TBC1D1: variants seen among roughly 807,000 people sequenced by gnomAD.
The protein encoded by TBC1D1 is TBC1 (tre-2/USP6, BUB2, cdc16) domain family, member 1.
In TBC1D1, 89 loss-of-function variants were observed where a neutral mutation model predicts 125.6. That is an observed-to-expected ratio of 0.71 (90% CI 0.60 to 0.85). The LOEUF (loss-of-function observed/expected upper bound fraction) is 0.85. Among genes scored for constraint, TBC1D1 ranks in the 40% least tolerant of loss-of-function variants. TBC1D1 has a pLI of 0.00. For missense variants in TBC1D1, 1,377 were observed against 1,469.2 expected (o/e 0.94, Z 1.03); for synonymous variants, 565 against 564.1 (o/e 1.00, Z -0.02).
intron 11 of TBC1D1, chr4:38,053,202 C>T (rs1161960730): frequency 6.6e-7 from 1 of 1,520,620 alleles, no homozygotes. Context: ...AAAATAACAC[C>T]TCTGATTTTA....
chr4:38,084,489 G>A (rs1757135263), intron 12 of TBC1D1, among the ~76,000 whole-genome samples: 1 of 152,236 alleles, frequency 6.6e-6, no homozygotes, highest in Admixed American at 6.5e-5. Context: ...TTCTGTTGTA[G>A]TAGAGGTAAA....
intron 19 of TBC1D1, among the ~76,000 whole-genome samples, chr4:38,135,878 G>A (rs1766450441): frequency 1.3e-5 from 2 of 151,150 alleles, no homozygotes; most frequent in African/African-American, 2.5e-5. Flanking sequence ...ATATATGTGT[G>A]TGTGTGTGTA....
chr4:38,133,411 T>C (rs1470348200), intron 19 of TBC1D1, among the ~76,000 whole-genome samples, 154 bp downstream of exon 21: 1 of 152,196 alleles, frequency 6.6e-6, no homozygotes, highest in African/African-American at 2.4e-5. Flanking sequence ...CCCGGGAGAA[T>C]GGGTCCTTTT....
chr4:37,947,181 G>A (rs576951764), intron 2 of TBC1D1, among the ~76,000 whole-genome samples: 1 of 152,292 alleles, frequency 6.6e-6, no homozygotes, highest in East Asian at 1.9e-4. Flanking sequence ...TTTTGAGACA[G>A]AGTCTTGCTC....
chr4:37,953,068 G>T (rs186868384), intron 2 of TBC1D1, among the ~76,000 whole-genome samples: 33 of 152,302 alleles, frequency 2.2e-4, no homozygotes, highest in African/African-American at 7.9e-4. Flanking sequence ...ATATGCATTA[G>T]CTCCATTCCT....
chr4:37,921,345 AC>A (rs1372069693), intron 2 of TBC1D1, among the ~76,000 whole-genome samples: 2 of 150,888 alleles, frequency 1.3e-5, no homozygotes, highest in African/African-American at 4.9e-5. Context: ...GGAAAAAAAA[AC>A]ATAAACATAT....
intron 7 of TBC1D1, among the ~76,000 whole-genome samples, chr4:38,029,238 T>C (rs1745668393): frequency 6.6e-6 from 1 of 152,190 alleles, no homozygotes; most frequent in Non-Finnish European, 1.5e-5. Context: ...GAGGAGCCAT[T>C]AAACAAAACA....
chr4:37,992,392 A>G (rs1260986373), intron 2 of TBC1D1, among the ~76,000 whole-genome samples: 1 of 152,196 alleles, frequency 6.6e-6, no homozygotes, highest in East Asian at 1.9e-4. Context: ...AGTTACCTAG[A>G]AGGCATTTGG....
chr4:38,119,073 C>T (rs943124791), intron 17 of TBC1D1, among the ~76,000 whole-genome samples: 113 of 151,988 alleles, frequency 7.4e-4, no homozygotes, highest in African/African-American at 2.5e-3. Flanking sequence ...GAGGAGGCTA[C>T]TAAAAAAATG....
intron 12 of TBC1D1, among the ~76,000 whole-genome samples, chr4:38,082,456 T>A (rs1188142364): frequency 6.6e-6 from 1 of 152,230 alleles, no homozygotes; most frequent in Non-Finnish European, 1.5e-5. Flanking sequence ...CACTTAAGAT[T>A]CTGGCTGAGG....
In TBC1D1 at chr4:37,993,100, G is replaced by A. The variant is rs558408470; in HGVS notation, c.418-21409G>A. Among the ~76,000 whole-genome samples, 158 of 152,156 alleles carry A rather than the reference G, an allele frequency of 1.0e-3. 2 individuals are homozygous for A. The highest frequency in any genetic ancestry group is 3.4e-3 in the Middle Eastern group (1 of 294). ...ATTACAGGCGTGAGCCACCGCGCCC[G>A]GCCTGGTGATTCTTTAAATAGGTGA... is the stretch of plus-strand genomic sequence containing the variant. On this transcript the variant is annotated intron_variant, in intron 2 of 19. Coordinates refer to ENST00000261439, the MANE Select transcript of TBC1D1 (RefSeq NM_015173.4).
intron 2 of TBC1D1, among the ~76,000 whole-genome samples, chr4:37,911,545 G>A (rs1270104959): frequency 6.6e-6 from 1 of 152,126 alleles, no homozygotes; most frequent in African/African-American, 2.4e-5. Context: ...TGATTTGGTG[G>A]CTGCCCATCC....
At chr4:38,021,040 A>G (rs1173106915) in intron 5 of TBC1D1, among the ~76,000 whole-genome samples, 1 of 152,218 alleles carries the variant, frequency 6.6e-6, no homozygotes, top group East Asian at 1.9e-4. Context: ...GCTAATAAAG[A>G]CATACCTGAC....
intron 2 of TBC1D1, among the ~76,000 whole-genome samples, chr4:37,972,379 G>T (rs966615467): frequency 1.3e-5 from 2 of 151,650 alleles, no homozygotes; most frequent in Non-Finnish European, 2.9e-5. Flanking sequence ...TACTCAGGAG[G>T]CTGAGGCATG....
chr4:38,044,423 G>C lies in TBC1D1; in HGVS notation c.1475G>C (p.Arg492Thr), dbSNP rs756605303. 2 of 1,613,834 alleles carry C rather than the reference G, an allele frequency of 1.2e-6. No homozygotes were observed. Among genetic ancestry groups the C allele is most frequent in the Non-Finnish European group, 1.7e-6 (2 of 1,179,958 alleles). Residue 492 changes from arginine (R) to threonine (T), a missense_variant, in exon 9 of 20, where the codon AGG becomes ACG. Arg to Thr is a moderately conservative substitution (Grantham distance 71). Coordinates refer to ENST00000261439, the MANE Select transcript of TBC1D1 (RefSeq NM_015173.4). ...TTACCACCCAGTGCCACTCGATTTA[G>C]GCTAGATATGCTGAAAAACAAAGCA...
At position 37,995,527 on chromosome 4, in the gene TBC1D1, G is replaced by A. The variant is rs912441914; in HGVS notation, c.418-18982G>A. 1 of 350,728 alleles carries A rather than the reference G, an allele frequency of 2.9e-6. No homozygotes were observed. The highest frequency in any genetic ancestry group is 2.1e-5 in the African/African-American group (1 of 46,646). The allele number at this position is 350,728 out of a possible 1,614,324, so 21.7% of individuals were successfully genotyped here. ...CAGATGGTTTCTCTTCACCTTTTGG[G>A]TTGCGGTTTTCTCCAGGTTGGTGCT... On this transcript the variant is annotated intron_variant, in intron 2 of 19. Transcript: ENST00000261439. This position sits in a 1 kb window ranked among gnomAD's most constrained non-coding sequence, Gnocchi z 4.3.
chr4:38,135,956 A>G (rs970197038), intron 19 of TBC1D1, among the ~76,000 whole-genome samples: 21 of 138,900 alleles, frequency 1.5e-4, no homozygotes, highest in Admixed American at 3.9e-4. Context: ...GTGTGTGTAT[A>G]TATGTGTATA....
Position 38,069,699 on chromosome 4 carries a change from A to G in TBC1D1, c.2050+15361A>G, listed in dbSNP as rs539042549. ...GGGGCACCCACGTAGCTGGCTGCCA[A>G]TCTGTGTTTTCTTCCAGGTTTCGAG... On this transcript the variant is annotated intron_variant, in intron 12 of 19. Transcript: ENST00000261439. 2.6e-4 allele frequency among the ~76,000 whole-genome samples: 39 copies of G among 152,090 alleles called. 1 individual carries two copies. Among genetic ancestry groups the G allele is most frequent in the Admixed American group, 1.3e-4 (2 of 15,274 alleles).
In TBC1D1 at chr4:37,902,498, G is replaced by A. The variant is rs769775102; in HGVS notation, c.403G>A (p.Asp135Asn). ...GAGTATCTGCTATGTGTTCAAAGCC[G>A]ATGATCAAACAAAAGTAAGTGAGAT... The change falls in exon 2 of 20, where the codon GAT (aspartate) becomes AAT (asparagine). Residue 135 changes from aspartate (D) to asparagine (N), a missense_variant. This residue lies in a region of TBC1D1 where 822 missense variants were observed against 824.6 expected (regional missense o/e 1.00). Transcript: ENST00000261439. 24 of 1,595,986 alleles carry A rather than the reference G, an allele frequency of 1.5e-5. No individual in the cohort carries two copies. The highest frequency in any genetic ancestry group is 2.0e-5 in the Non-Finnish European group (23 of 1,169,584).
Sources: allele counts gnomAD v4.1 joint callset (sites outside exome capture counted in the v4.1 genomes callset), GRCh38; gene constraint gnomAD v4.1.1; regional missense constraint gnomAD v4.1.1; non-coding constraint Gnocchi (gnomAD v3.1); transcripts MANE v1.5; gene names NCBI Gene and HGNC (gene_info 2026-07-23, HGNC 2026-07-21).